COLGALT1: variants seen among roughly 807,000 people sequenced by gnomAD.
COLGALT1 encodes collagen beta(1-O)galactosyltransferase 1, also known as procollagen galactosyltransferase 1.
In COLGALT1, 43 loss-of-function variants were observed where a neutral mutation model predicts 60.8. The observed-to-expected ratio is 0.71, with a 90% confidence interval of 0.55 to 0.91. The LOEUF (loss-of-function observed/expected upper bound fraction) is 0.91, where lower values mean the gene tolerates loss of function less well. Among genes scored for constraint, COLGALT1 ranks in the 40% least tolerant of loss-of-function variants. COLGALT1 has a pLI of 0.00. For missense variants in COLGALT1, 845 were observed against 880.0 expected (o/e 0.96, Z 0.50); for synonymous variants, 369 against 374.2 (o/e 0.99, Z 0.16).
chr19:17,573,784 G>A (rs1037210080), intron 6 of COLGALT1, among the ~76,000 whole-genome samples: 39 of 151,518 alleles, frequency 2.6e-4, no homozygotes, highest in African/African-American at 9.3e-4. Flanking sequence ...TGAGAATATC[G>A]TGGGCAACAT....
intron 11 of COLGALT1, 92 bp from the exon 12 acceptor site, chr19:17,581,084 GT>G (rs745950389): frequency 2.7e-5 from 39 of 1,467,958 alleles, no homozygotes; most frequent in Non-Finnish European, 3.3e-5. Context: ...GTTTTAATCT[GT>G]CCCCGCTGAC....
At chr19:17,559,031 G>C (rs1049440081) in intron 1 of COLGALT1, among the ~76,000 whole-genome samples, 2 of 151,958 alleles carry the variant, frequency 1.3e-5, no homozygotes, top group Non-Finnish European at 2.9e-5. Flanking sequence ...TGTGGTGGCG[G>C]GCGCCTGTAG....
chr19:17,577,393 C>A lies in COLGALT1; in HGVS notation c.1059C>A (p.Asp353Glu). 1 of 1,576,438 alleles carries A rather than the reference C, an allele frequency of 6.3e-7. No homozygotes were observed. ...TGATCAACCTGAGGCGGCGGCAGGA[C>A]CGGCGGGAGCGCATGCTGCGGGCGC... ...VFMINLRRRQ[D>E]RRERMLRALQ... The change falls in exon 8 of 12, where the codon GAC becomes GAA. Residue 353 changes from aspartate (D) to glutamate (E), a missense_variant. By Grantham distance (45) the Asp-to-Glu change is conservative. Transcript: ENST00000252599.
At chr19:17,556,099 G>C in intron 1 of COLGALT1, 126 bp downstream of exon 1, 1 of 1,094,390 alleles carries the variant, frequency 9.1e-7, no homozygotes, top group Non-Finnish European at 1.2e-6. Flanking sequence ...CGTGCTTCCT[G>C]CTCGCTACCC....
chr19:17,576,377 A>G (rs978108144), intron 6 of COLGALT1, among the ~76,000 whole-genome samples: 9 of 151,842 alleles, frequency 5.9e-5, no homozygotes, highest in African/African-American at 2.2e-4. Context: ...GAGCAGGGAA[A>G]GGAAGGGTAT....
At chr19:17,572,960 C>T (rs1266962649) in intron 6 of COLGALT1, among the ~76,000 whole-genome samples, 1 of 152,148 alleles carries the variant, frequency 6.6e-6, no homozygotes, top group East Asian at 1.9e-4. Flanking sequence ...CAGGCAAGGT[C>T]AGTGATCCCC....
Position 17,555,730 on chromosome 19 carries a change from G to A in COLGALT1, c.17G>A (p.Arg6His), listed in dbSNP as rs2076205926. 2 of 1,198,978 alleles carry A rather than the reference G, an allele frequency of 1.7e-6. No homozygotes were observed. 74.3% of individuals were successfully genotyped at this position (1,198,978 alleles called of 1,614,324 possible). MAAAP[R>H]AGRRRGQPLL... ...CGTGGCGCGATGGCGGCGGCCCCAC[G>A]CGCGGGCCGGCGGCGCGGGCAGCCG... Residue 6 changes from arginine (R) to histidine (H), a missense_variant, in exon 1 of 12, where the codon CGC (arginine) becomes CAC (histidine). Transcript: ENST00000252599.
At chr19:17,560,167 T>C (rs2076239571) in intron 2 of COLGALT1, among the ~76,000 whole-genome samples, 181 bp from the exon 3 acceptor site, 1 of 152,120 alleles carries the variant, frequency 6.6e-6, no homozygotes, top group Non-Finnish European at 1.5e-5. Flanking sequence ...AGGCTGTACC[T>C]CCGGCCAGGA....
At chr19:17,560,754 A>G (rs2076244107) in intron 3 of COLGALT1, among the ~76,000 whole-genome samples, 3 of 151,596 alleles carry the variant, frequency 2.0e-5, no homozygotes, top group Admixed American at 6.6e-5. Context: ...TTTTTTTGAG[A>G]CAGAGACTCA....
At chr19:17,578,181 C>T in intron 9 of COLGALT1, 92 bp downstream of exon 9, 4 of 1,376,392 alleles carry the variant, frequency 2.9e-6, no homozygotes, top group Non-Finnish European at 3.8e-6. Flanking sequence ...TTCCCCAAAG[C>T]CCCGGCTAGG....
At chr19:17,560,217 C>G in intron 2 of COLGALT1, 131 bp from the exon 3 acceptor site, 4 of 573,446 alleles carry the variant, frequency 7.0e-6, no homozygotes, top group Non-Finnish European at 6.2e-6. Context: ...TTTACTTTTT[C>G]CCATCCCTCA....
intron 3 of COLGALT1, among the ~76,000 whole-genome samples, chr19:17,566,613 A>G (rs1333701048): frequency 1.3e-5 from 2 of 151,982 alleles, no homozygotes; most frequent in African/African-American, 4.8e-5. Flanking sequence ...GAGGGATCCT[A>G]TCTCTACAAA....
chr19:17,567,302 A>G lies in COLGALT1; in HGVS notation c.490-104A>G, dbSNP rs964970406. 1.6e-5 allele frequency: 24 copies of G among 1,488,448 alleles called. No individual in the cohort carries two copies. In the African/African-American group the frequency reaches 2.3e-4, roughly 15 times the overall value. 92.2% of individuals were successfully genotyped at this position (1,488,448 alleles called of 1,614,324 possible). A position where few individuals can be genotyped will look rare whatever the true frequency, so the allele number is the denominator to read the frequency against. On this transcript the variant is annotated intron_variant, in intron 3 of 11. Transcript: ENST00000252599. The stretch of plus-strand genomic sequence containing the variant: ...TTCATCCGGTGTAGGGGGTGCTTCC[A>G]GAGGTCTTTGCCAGACCCCCAGGGC...
chr19:17,558,234 C>T (rs1452985790), intron 1 of COLGALT1, among the ~76,000 whole-genome samples: 12 of 150,828 alleles, frequency 8.0e-5, no homozygotes, highest in Non-Finnish European at 8.9e-5. Flanking sequence ...CCACCATGCC[C>T]GGCCTAATTT....
At chr19:17,568,164 T>C (rs1393183321) in intron 4 of COLGALT1, among the ~76,000 whole-genome samples, 5 of 152,130 alleles carry the variant, frequency 3.3e-5, no homozygotes, top group Admixed American at 3.3e-4. Context: ...TCCAGGTGTT[T>C]GGATAACTGT....
chr19:17,567,554 CTGGGGACTG>C lies in COLGALT1; in HGVS notation c.624+24_624+32del, dbSNP rs773854345. 6.2e-7 allele frequency: 1 copy of C among 1,610,246 alleles called. No individual in the cohort carries two copies. The highest frequency in any genetic ancestry group is 8.5e-7 in the Non-Finnish European group (1 of 1,178,238). ...ATGACTTCCCAGGTAGAGTGAGGGC[CTGGGGACTG>C]TGGGGACTGGGCTGAGCAGGGGGGT... On this transcript the variant is annotated intron_variant, in intron 4 of 11. Transcript: ENST00000252599.
intron 5 of COLGALT1, among the ~76,000 whole-genome samples, chr19:17,571,458 T>TA (rs2076312300): frequency 6.7e-6 from 1 of 150,158 alleles, no homozygotes; most frequent in Non-Finnish European, 1.5e-5. Flanking sequence ...TTTTTTAGTC[T>TA]AAAAAAGATA....
chr19:17,569,891 C>CTTTTTTTTTTTTTTTTTTTTTTTTTTT (rs71162156), intron 5 of COLGALT1, among the ~76,000 whole-genome samples: 2 of 98,740 alleles, frequency 2.0e-5, no homozygotes, highest in African/African-American at 3.9e-5. Context: ...CCACTAATTA[C>CTTTTTTTTTTTTTTTTTTTTTTTTTTT]TTTTTTTTTT....
intron 3 of COLGALT1, among the ~76,000 whole-genome samples, chr19:17,563,345 C>G (rs1243626230): frequency 1.3e-5 from 2 of 149,624 alleles, no homozygotes; most frequent in East Asian, 3.9e-4. Context: ...TGCTTGCCAC[C>G]ATGCCCGGCT....
Sources: gnomAD v4.1 joint callset for allele counts (sites outside exome capture counted in the v4.1 genomes callset) on GRCh38, gnomAD v4.1.1 for gene constraint, MANE v1.5 for transcripts, NCBI Gene and HGNC (gene_info 2026-07-23, HGNC 2026-07-21) for gene names.